Variants in PRICKLE1 observed in about 807,000 individuals in gnomAD.
PRICKLE1 encodes prickle-like protein 1.
Under a neutral mutation model 70.2 loss-of-function variants are expected in PRICKLE1, and 14 were observed. The ratio of observed to expected loss-of-function variants is 0.20; its 90% confidence interval spans 0.13 to 0.31. The LOEUF is 0.31. Among genes scored for constraint, PRICKLE1 ranks in the 10% least tolerant of loss-of-function variants. PRICKLE1 has a pLI of 1.00. For synonymous variants in PRICKLE1, 357 were observed against 379.9 expected, an observed-to-expected ratio of 0.94 and a Z score of 0.70; for missense variants, 821 against 1,026.2, an observed-to-expected ratio of 0.80 and a Z score of 2.73.
At chr12:42,492,944 T>C (rs17091271) in intron 1 of PRICKLE1, among the ~76,000 whole-genome samples, 2,662 of 152,224 alleles carry the variant, frequency 0.017, 159 homozygotes, top group East Asian at 0.11. Flanking sequence ...ATTTATGGAG[T>C]GGTGAATGAC....
At chr12:42,497,284 G>A (rs933429420) in intron 1 of PRICKLE1, among the ~76,000 whole-genome samples, 2 of 152,140 alleles carry the variant, frequency 1.3e-5, no homozygotes, top group African/African-American at 4.8e-5. Flanking sequence ...GGTGGCTCAC[G>A]CCTGTAATTC....
chr12:42,522,714 C>T (rs1939732579), intron 1 of PRICKLE1, among the ~76,000 whole-genome samples: 1 of 152,120 alleles, frequency 6.6e-6, no homozygotes, highest in African/African-American at 2.4e-5. Flanking sequence ...AGTTTTATTA[C>T]TTTGGTGGCT....
chr12:42,532,179 G>T (rs574412457), intron 1 of PRICKLE1, among the ~76,000 whole-genome samples: 6 of 152,056 alleles, frequency 3.9e-5, no homozygotes, highest in Non-Finnish European at 7.4e-5. Context: ...AATAAATAAA[G>T]AAAGAAATAA....
At chr12:42,581,614 G>A (rs1940901470) in intron 1 of PRICKLE1, among the ~76,000 whole-genome samples, 1 of 151,942 alleles carries the variant, frequency 6.6e-6, no homozygotes, top group African/African-American at 2.4e-5. Flanking sequence ...AGGCGTGGTG[G>A]CATATGCCTG....
intron 1 of PRICKLE1, among the ~76,000 whole-genome samples, chr12:42,502,311 CTTTTCT>C (rs1939329106): frequency 8.3e-6 from 1 of 120,276 alleles, no homozygotes; most frequent in African/African-American, 2.7e-5. Flanking sequence ...CTTTTCTTTT[CTTTTCT>C]TTTTTTTTGA....
rs1457486750 is a variant in PRICKLE1, at chr12:42,589,713, G to A, written c.-297C>T. Reference sequence around the variant, plus strand: ...CTGTCGGGCGGCGGCGGCCGCGGGAGACGGCGCTGGCAGCTGGGCTGCAGG... The same window carrying A: ...CTGTCGGGCGGCGGCGGCCGCGGGAAACGGCGCTGGCAGCTGGGCTGCAGG... On this transcript the variant is annotated 5_prime_UTR_variant, in exon 1 of 8. Coordinates refer to ENST00000345127, the MANE Select transcript of PRICKLE1 (RefSeq NM_153026.3). This position sits in a 1 kb window ranked among gnomAD's most constrained non-coding sequence, Gnocchi z 5.0. 1 of 150,286 alleles carries A rather than the reference G, an allele frequency of 6.7e-6. No individual in the cohort carries two copies. The highest frequency in any genetic ancestry group is 2.4e-5 in the African/African-American group (1 of 41,178). The allele number at this position is 150,286 out of a possible 1,614,324, so 9.3% of individuals were successfully genotyped here.
intron 1 of PRICKLE1, among the ~76,000 whole-genome samples, chr12:42,475,510 A>AG (rs1224065761): frequency 3.5e-4 from 53 of 151,920 alleles, no homozygotes; most frequent in African/African-American, 9.2e-4. Context: ...CACTGCCTCC[A>AG]GGGGGGGAGT....
Position 42,465,988 on chromosome 12 carries a change from A to G in PRICKLE1, c.775+206T>C, listed in dbSNP as rs531922118. 4 of 631,338 alleles carry G rather than the reference A, an allele frequency of 6.3e-6. No individual in the cohort carries two copies. In the East Asian group the frequency reaches 1.1e-4, roughly 18 times the overall value. 39.1% of individuals were successfully genotyped at this position (631,338 alleles called of 1,614,324 possible). ...CTAATCCAGTGTTTGCAGTAACGTC[A>G]CAGAACACAACTACTGCAAGTAACA... On this transcript the variant is annotated intron_variant, in intron 6 of 7. Transcript: ENST00000345127.
intron 1 of PRICKLE1, among the ~76,000 whole-genome samples, chr12:42,546,796 G>C (rs1940222164): frequency 6.6e-6 from 1 of 152,152 alleles, no homozygotes; most frequent in Admixed American, 6.5e-5. Context: ...TTTAGCACTT[G>C]ATAATTTCTT....
chr12:42,520,595 T>C (rs1375871083), intron 1 of PRICKLE1, among the ~76,000 whole-genome samples: 1 of 152,228 alleles, frequency 6.6e-6, no homozygotes, highest in Non-Finnish European at 1.5e-5. Flanking sequence ...GTCTATTATA[T>C]TGTTTTAATT....
Position 42,465,197 on chromosome 12 carries a change from A to G in PRICKLE1, c.837T>C (p.Phe279=). The change falls in exon 7 of 8, where the codon TTT becomes TTC. Residue 279 remains phenylalanine (F), a synonymous_variant. Coordinates refer to ENST00000345127, the MANE Select transcript of PRICKLE1 (RefSeq NM_153026.3). The stretch of plus-strand genomic sequence containing the variant: ...AAGAGGCTTTACACTGGGCACAAGA[A>G]AAGCAGGCTTCCGTGGCGTGCCAGT... ...GQHWHATEAC[F]SCAQCKASLL... The G allele has an allele frequency of 6.2e-7, 1 of 1,611,380 alleles. No homozygotes were observed. The highest frequency in any genetic ancestry group is 1.3e-5 in the African/African-American group (1 of 74,836).
chr12:42,536,458 T>C (rs1566117765), intron 1 of PRICKLE1, among the ~76,000 whole-genome samples: 1 of 152,158 alleles, frequency 6.6e-6, no homozygotes, highest in Non-Finnish European at 1.5e-5. Context: ...CAATTCTCCA[T>C]CCAGCTCCCT....
rs1462408455 is a variant in PRICKLE1, at chr12:42,460,546, T to C, written c.1759A>G (p.Met587Val). Residue 587 changes from methionine to valine, a missense_variant, in exon 8 of 8, where the codon ATG becomes GTG. Met to Val is a conservative substitution (Grantham distance 21). Transcript: ENST00000345127. ...AAGGACTCTGCACTCCTGTGCAGCA[T>C]GGAAGAGTTCAAAGTTCCCATATTG... ...MSNMGTLNSS[M>V]LHRSAESLKS... The C allele has an allele frequency of 2.5e-6, 4 of 1,614,076 alleles. No homozygotes were observed. The highest frequency in any genetic ancestry group is 2.2e-5 in the East Asian group (1 of 44,892).
At chr12:42,484,246 T>G (rs1166168718) in intron 1 of PRICKLE1, 1 of 150,878 alleles carries the variant, frequency 6.6e-6, no homozygotes, top group Non-Finnish European at 1.5e-5. Flanking sequence ...CCCACCCCCT[T>G]GGCCAGCCTA....
chr12:42,525,981 T>C (rs1939792700), intron 1 of PRICKLE1, among the ~76,000 whole-genome samples: 1 of 152,176 alleles, frequency 6.6e-6, no homozygotes, highest in Admixed American at 6.5e-5. Flanking sequence ...GAAGGTAATA[T>C]AGGGCATTTG....
intron 1 of PRICKLE1, among the ~76,000 whole-genome samples, chr12:42,487,795 C>T (rs373309593): frequency 3.3e-5 from 5 of 152,184 alleles, no homozygotes; most frequent in African/African-American, 9.7e-5. Flanking sequence ...CCTATAATCC[C>T]GGCACTTTGG....
At chr12:42,514,740 C>G (rs761194062) in intron 1 of PRICKLE1, among the ~76,000 whole-genome samples, 4 of 152,042 alleles carry the variant, frequency 2.6e-5, no homozygotes, top group Non-Finnish European at 4.4e-5. Context: ...AAAAACCAAA[C>G]AGTCCTAAAA....
intron 1 of PRICKLE1, chr12:42,550,283 T>A (rs1448154504): frequency 6.6e-6 from 1 of 152,054 alleles, no homozygotes; most frequent in East Asian, 1.9e-4. Context: ...CAGTGAGCCA[T>A]GATCGCGCCA....
At chr12:42,483,169 C>T (rs1386016779) in intron 1 of PRICKLE1, 1 of 153,092 alleles carries the variant, frequency 6.5e-6, no homozygotes, top group East Asian at 1.9e-4. Context: ...AGCAGAAAGC[C>T]TCGCGCCGCT....
Sources: gnomAD v4.1 joint callset for allele counts (sites outside exome capture counted in the v4.1 genomes callset) on GRCh38, gnomAD v4.1.1 for gene constraint, Gnocchi (gnomAD v3.1) non-coding constraint, MANE v1.5 for transcripts, NCBI Gene and HGNC (gene_info 2026-07-23, HGNC 2026-07-21) for gene names.